The following POC1A variants were observed in gnomAD, a reference collection of about 807,000 sequenced individuals.
The protein encoded by POC1A is POC1 centriolar protein A.
POC1A carries 34 observed loss-of-function variants against 47.8 expected under a neutral mutation model. The ratio of observed to expected loss-of-function variants is 0.71; its 90% CI spans 0.54 to 0.95. POC1A has a LOEUF of 0.95. Among genes scored for constraint, POC1A ranks in the 40% least tolerant of loss-of-function variants. The pLI is 0.00. For missense variants in POC1A, 466 were observed against 528.3 expected, an observed-to-expected ratio of 0.88 and a Z score of 1.16; for synonymous variants, 177 against 207.6, an observed-to-expected ratio of 0.85 and a Z score of 1.27.
At chr3:52,101,893 T>G (rs1703018072) in intron 9 of POC1A, among the ~76,000 whole-genome samples, 1 of 152,226 alleles carries the variant, frequency 6.6e-6, no homozygotes, top group Non-Finnish European at 1.5e-5. Flanking sequence ...TGCTAAAATA[T>G]TTTTGCTAAG....
At chr3:52,139,452 C>T (rs995762131) in intron 6 of POC1A, among the ~76,000 whole-genome samples, 6 of 152,160 alleles carry the variant, frequency 3.9e-5, no homozygotes, top group Non-Finnish European at 2.9e-5. Context: ...TTCCCCCAGC[C>T]GTAGAACTTT....
intron 7 of POC1A, among the ~76,000 whole-genome samples, chr3:52,136,776 G>A (rs758481931): frequency 1.6e-4 from 24 of 152,284 alleles, no homozygotes; most frequent in Non-Finnish European, 2.8e-4. Flanking sequence ...AATAGCTTTC[G>A]TTTATGTGCC....
chr3:52,082,468 G>T (rs1236425081), intron 10 of POC1A, among the ~76,000 whole-genome samples: 1 of 152,182 alleles, frequency 6.6e-6, no homozygotes, highest in Non-Finnish European at 1.5e-5. Context: ...CTCGGACCAG[G>T]TGGTAGGGCT....
intron 9 of POC1A, among the ~76,000 whole-genome samples, chr3:52,097,741 T>A (rs1177061137): frequency 6.6e-6 from 1 of 152,224 alleles, no homozygotes; most frequent in Admixed American, 6.5e-5. Flanking sequence ...CAGGAGAACT[T>A]GAATGTGAGA....
intron 7 of POC1A, among the ~76,000 whole-genome samples, chr3:52,136,415 C>T (rs1704467196): frequency 6.6e-6 from 1 of 152,164 alleles, no homozygotes; most frequent in Non-Finnish European, 1.5e-5. Context: ...CTCTGTCAGC[C>T]TCCCTGTGGA....
chr3:52,105,917 G>A (rs552408694), intron 9 of POC1A, among the ~76,000 whole-genome samples: 15 of 152,312 alleles, frequency 9.8e-5, no homozygotes, highest in East Asian at 1.9e-4. Flanking sequence ...AGTTCAGGCC[G>A]GGTGTGGTGG....
chr3:52,110,752 T>C (rs577117565), intron 9 of POC1A, among the ~76,000 whole-genome samples: 58 of 152,336 alleles, frequency 3.8e-4, no homozygotes, highest in Non-Finnish European at 5.0e-4. Flanking sequence ...AGCCTGGCTC[T>C]GCCTGGGGCC....
chr3:52,125,833 C>A (rs879185914), intron 7 of POC1A, among the ~76,000 whole-genome samples: 1 of 152,188 alleles, frequency 6.6e-6, no homozygotes, highest in Non-Finnish European at 1.5e-5. Flanking sequence ...TGAAGGTCTG[C>A]GTGACCATCT....
rs758276409 is a variant in POC1A at position 52,146,989 on chromosome 3, C to T, written c.562G>A (p.Gly188Ser). The T allele has an allele frequency of 1.4e-5, 23 of 1,613,078 alleles. No homozygotes were observed. Among genetic ancestry groups the T allele is most frequent in the Middle Eastern group, 1.6e-4 (1 of 6,082 alleles). Residue 188 changes from glycine to serine, a missense_variant and splice_region_variant, in exon 5 of 11, where the codon GGC becomes AGC. Transcript: ENST00000296484. ...ECVHSYCEHG[G>S]FVTYVDFHPS... ...GGAGGACAGCATCTGGGGACTCACC[C>T]GCCATGCTCACAATACGAGTGGACA...
At chr3:52,128,383 A>T (rs1047996946) in intron 7 of POC1A, among the ~76,000 whole-genome samples, 4 of 152,202 alleles carry the variant, frequency 2.6e-5, no homozygotes, top group Non-Finnish European at 5.9e-5. Context: ...AAGAAGTGCT[A>T]GCGCTCCTTT....
chr3:52,102,567 C>T (rs1003349229), intron 9 of POC1A, among the ~76,000 whole-genome samples: 4 of 152,220 alleles, frequency 2.6e-5, no homozygotes, highest in Non-Finnish European at 5.9e-5. Context: ...CCTTGAGATT[C>T]TTAATTACAT....
intron 9 of POC1A, among the ~76,000 whole-genome samples, chr3:52,121,173 C>G (rs554946596): frequency 1.3e-5 from 2 of 152,318 alleles, no homozygotes; most frequent in South Asian, 4.1e-4. Flanking sequence ...GCATAAAAGG[C>G]CTTGGCTATG....
At chr3:52,096,956 G>A (rs1160551791) in intron 9 of POC1A, among the ~76,000 whole-genome samples, 1 of 152,226 alleles carries the variant, frequency 6.6e-6, no homozygotes, top group African/African-American at 2.4e-5. Context: ...AGGCAGGAAG[G>A]GGCCTGGGGA....
At chr3:52,122,885 A>C (rs1703842089) in intron 8 of POC1A, among the ~76,000 whole-genome samples, 3 of 152,252 alleles carry the variant, frequency 2.0e-5, no homozygotes. Flanking sequence ...ATAGCATCAG[A>C]GTAGGGAGTT....
intron 1 of POC1A, 102 bp downstream of exon 1, chr3:52,154,253 T>G (rs1048755473): frequency 1.8e-5 from 23 of 1,304,076 alleles, no homozygotes; most frequent in Non-Finnish European, 2.4e-5. Flanking sequence ...CCCTGGAACC[T>G]GGCGCCCCGC....
chr3:52,129,979 C>T (rs553454680), intron 7 of POC1A, among the ~76,000 whole-genome samples: 137 of 152,268 alleles, frequency 9.0e-4, no homozygotes, highest in Middle Eastern at 6.8e-3. Flanking sequence ...ATTTCACAGT[C>T]GTGCTGGCTC....
Position 52,125,135 on chromosome 3 carries a change from G to A in POC1A, c.860C>T (p.Ala287Val). 1 of 1,613,732 alleles carries A rather than the reference G, an allele frequency of 6.2e-7. No individual in the cohort carries two copies. Among genetic ancestry groups the A allele is most frequent in the Non-Finnish European group, 8.5e-7 (1 of 1,179,672 alleles). The change falls in exon 8 of 11, where the codon GCT becomes GTT. Residue 287 changes from alanine to valine, a missense_variant. Physicochemically the swap from Ala to Val is moderately conservative, Grantham distance 64 (BLOSUM62 0). Coordinates refer to ENST00000296484, the MANE Select transcript of POC1A (RefSeq NM_015426.5). ...TACTTGTTCATCAGAGCCTCCAGAA[G>A]CAAAATACTCCCCCGTTCTTGAAAA... ...VAFSRTGEYF[A>V]SGGSDEQVMV... is the part of the protein sequence containing the mutation.
Position 52,154,364 on chromosome 3 carries a change from C to A in POC1A, c.9G>T (p.Ala3=), listed in dbSNP as rs772018065. Residue 3 remains alanine, a synonymous_variant, in exon 1 of 11, where the codon GCG becomes GCT. Coordinates refer to ENST00000296484, the MANE Select transcript of POC1A (RefSeq NM_015426.5). MA[A]PCAEDPSLER... ...TCTCGGCTGGGCTTACCGCGCAGGG[C>A]GCAGCCATGGCGGGGCTGGCGGCGC... 15 of 1,529,502 alleles carry A rather than the reference C, an allele frequency of 9.8e-6. No individual in the cohort carries two copies. Among genetic ancestry groups the A allele is most frequent in the Admixed American group, 2.2e-5 (1 of 45,510 alleles). The allele number at this position is 1,529,502 out of a possible 1,614,324, so 94.7% of individuals were successfully genotyped here. A position where few individuals can be genotyped will look rare whatever the true frequency, so the allele number is the denominator to read the frequency against.
In POC1A at chr3:52,140,752, C is replaced by T. The variant is rs542811730; in HGVS notation, c.680-2450G>A. 2.0e-5 allele frequency among the ~76,000 whole-genome samples: 3 copies of T among 152,326 alleles called. No individual in the cohort carries two copies. The East Asian group carries it at 5.8e-4, about 29-fold the overall frequency. On this transcript the variant is annotated intron_variant, in intron 6 of 10. Transcript: ENST00000296484. ...CACCTTTCCCCACTTGCTCTCCTGC[C>T]TCACCTACTGGCCGCACCAGCCTCC...
Sources: gnomAD v4.1 joint callset for allele counts (sites outside exome capture counted in the v4.1 genomes callset) on GRCh38, gnomAD v4.1.1 for gene constraint, MANE v1.5 for transcripts, NCBI Gene and HGNC (gene_info 2026-07-23, HGNC 2026-07-21) for gene names.